Variants in TUBGCP3 observed in about 807,000 individuals in gnomAD.
TUBGCP3 encodes gamma-tubulin complex component 3.
Under a neutral mutation model 123.1 loss-of-function variants are expected in TUBGCP3, and 50 were observed. That is an observed-to-expected ratio of 0.41 (90% CI 0.32 to 0.51). The LOEUF (loss-of-function observed/expected upper bound fraction) is 0.51. TUBGCP3 is among the 20% of genes least tolerant of loss of function. The probability of loss-of-function intolerance (pLI) is 0.36; values close to 1 mark genes in which losing one functional copy is unlikely to be tolerated. For missense variants in TUBGCP3, 882 were observed against 1,127.0 expected (o/e 0.78, Z 3.11); for synonymous variants, 405 against 413.9 (o/e 0.98, Z 0.26).
chr13:112,582,651 A>C (rs962188588), intron 1 of TUBGCP3, among the ~76,000 whole-genome samples: 4 of 150,684 alleles, frequency 2.7e-5, no homozygotes, highest in African/African-American at 9.8e-5. Context: ...CAAGGTCCAG[A>C]TGTAGATCTC....
rs1877188184 is a variant in TUBGCP3 at position 112,527,006 on chromosome 13, A to G, written c.1491T>C (p.Cys497=). The G allele has an allele frequency of 7.4e-6, 12 of 1,614,202 alleles. No individual in the cohort carries two copies. Among genetic ancestry groups the G allele is most frequent in the Non-Finnish European group, 1.0e-5 (12 of 1,180,024 alleles). ...TCTTTGTAGTGGGAGTCTGATCATG[A>G]CAAACTTGGTGCAAGAAATTTATTG... is the stretch of plus-strand genomic sequence containing the variant. The part of the protein sequence containing the change: ...GKSINFLHQV[C]HDQTPTTKMI... Residue 497 remains cysteine (C), a synonymous_variant, in exon 13 of 22, where the codon TGT becomes TGC. Transcript: ENST00000261965.
chr13:112,543,149 C>CA (rs915917447), intron 11 of TUBGCP3, among the ~76,000 whole-genome samples: 7 of 150,342 alleles, frequency 4.7e-5, no homozygotes, highest in South Asian at 4.2e-4. Flanking sequence ...GACTCCATCT[C>CA]AAAAAAAAAG....
At chr13:112,601,048 C>T in the TUBGCP3 span, among the ~76,000 whole-genome samples, 3 of 152,070 alleles carry the variant, frequency 2.0e-5, no homozygotes, top group South Asian at 2.1e-4. Context: ...ATTAGTCAAA[C>T]GCAGTAGCGT....
At chr13:112,600,975 G>A in the TUBGCP3 span, among the ~76,000 whole-genome samples, 2 of 151,918 alleles carry the variant, frequency 1.3e-5, no homozygotes, top group African/African-American at 4.8e-5. Context: ...ATCACTTGAG[G>A]CCAGGGGTTC....
intron 1 of TUBGCP3, among the ~76,000 whole-genome samples, chr13:112,587,000 C>T (rs1315488936): frequency 6.6e-6 from 1 of 152,160 alleles, no homozygotes; most frequent in Non-Finnish European, 1.5e-5. Flanking sequence ...GGTCAAAATG[C>T]ATTCTCAGTA....
intron 1 of TUBGCP3, among the ~76,000 whole-genome samples, chr13:112,578,002 C>G (rs1046060954): frequency 5.9e-5 from 9 of 152,170 alleles, no homozygotes; most frequent in African/African-American, 1.7e-4. Context: ...TTGGGAGAAG[C>G]TGAGGCAGGG....
At chr13:112,512,219 G>A (rs150637499) in intron 17 of TUBGCP3, among the ~76,000 whole-genome samples, 185 of 152,152 alleles carry the variant, frequency 1.2e-3, no homozygotes, top group Middle Eastern at 6.8e-3. Context: ...CCAGGAGTTC[G>A]AGGCCAGTCT....
chr13:112,555,762 G>C (rs1879970763), intron 6 of TUBGCP3, among the ~76,000 whole-genome samples: 1 of 152,152 alleles, frequency 6.6e-6, no homozygotes, highest in African/African-American at 2.4e-5. Flanking sequence ...AAACAGACAG[G>C]GAGAATGTGA....
intron 17 of TUBGCP3, among the ~76,000 whole-genome samples, chr13:112,513,753 C>CACAGAACACAGAAACACAGGTAAA (rs1875835455): frequency 6.6e-6 from 1 of 152,178 alleles, no homozygotes; most frequent in South Asian, 2.1e-4. Flanking sequence ...AGAACACTGA[C>CACAGAACACAGAAACACAGGTAAA]ACCCCAACAG....
In TUBGCP3 at chr13:112,544,301, A is replaced by C. The variant is rs550923466; in HGVS notation, c.1335+1398T>G. On this transcript the variant is annotated intron_variant, in intron 11 of 21. Coordinates refer to ENST00000261965, the MANE Select transcript of TUBGCP3 (RefSeq NM_006322.6). The stretch of plus-strand genomic sequence containing the variant: ...ACCCCGTCTCTACTAAAAATACAAA[A>C]ATTAGCCAGGCATGGTGGCGGGCAC... Among the ~76,000 whole-genome samples, 3 of 152,072 alleles carry C rather than the reference A, an allele frequency of 2.0e-5. 1 individual carries two copies. Among genetic ancestry groups the C allele is most frequent in the African/African-American group, 7.2e-5 (3 of 41,494 alleles).
At chr13:112,520,790 T>C (rs1876553317) in intron 14 of TUBGCP3, among the ~76,000 whole-genome samples, 1 of 152,188 alleles carries the variant, frequency 6.6e-6, no homozygotes, top group Non-Finnish European at 1.5e-5. Flanking sequence ...TGATATCTGC[T>C]TTTATAAATA....
intron 2 of TUBGCP3, among the ~76,000 whole-genome samples, chr13:112,565,808 A>G (rs9635136): frequency 0.16 from 23,856 of 151,926 alleles, 2,103 homozygotes; most frequent in Non-Finnish European, 0.21. Context: ...GTTAGCGGGC[A>G]CCTGTAGTCC....
intron 11 of TUBGCP3, among the ~76,000 whole-genome samples, chr13:112,540,857 G>A (rs1878464648): frequency 6.6e-6 from 1 of 152,232 alleles, no homozygotes; most frequent in African/African-American, 2.4e-5. Flanking sequence ...AAGACCTGAG[G>A]TAAGTTCATT....
intron 1 of TUBGCP3, among the ~76,000 whole-genome samples, chr13:112,586,956 G>A (rs923221521): frequency 6.6e-6 from 1 of 152,160 alleles, no homozygotes; most frequent in Non-Finnish European, 1.5e-5. Context: ...AACATCCAAT[G>A]AATTATGTAC....
At chr13:112,579,804 C>A (rs1882155256) in intron 1 of TUBGCP3, among the ~76,000 whole-genome samples, 1 of 152,254 alleles carries the variant, frequency 6.6e-6, no homozygotes. Flanking sequence ...TGAGCATGCA[C>A]CTGCCCTGAG....
chr13:112,511,599 A>G lies in TUBGCP3; in HGVS notation c.2086+4841T>C. Among the ~76,000 whole-genome samples, 1 of 152,066 alleles carries G rather than the reference A, an allele frequency of 6.6e-6. No individual in the cohort carries two copies. ...GCCACAGGAGCCTGCAGCTCCACAG[A>G]CTTTAAGACACATTGAGAACATGAA... On this transcript the variant is annotated intron_variant, in intron 17 of 21. Transcript: ENST00000261965. This position sits in a 1 kb window ranked among gnomAD's most constrained non-coding sequence, Gnocchi z 4.1.
At chr13:112,544,266 A>G (rs1362153705) in intron 11 of TUBGCP3, among the ~76,000 whole-genome samples, 4 of 152,034 alleles carry the variant, frequency 2.6e-5, no homozygotes, top group Non-Finnish European at 4.4e-5. Context: ...ATCCTGGCTA[A>G]CACAGTGAAA....
chr13:112,547,977 A>G (rs1879209859), intron 9 of TUBGCP3, 131 bp downstream of exon 9: 1 of 907,484 alleles, frequency 1.1e-6, no homozygotes, highest in Non-Finnish European at 1.6e-6. Context: ...TTCAAACCTT[A>G]CAAATAATAT....
intron 9 of TUBGCP3, 44 bp from the exon 10 acceptor site, chr13:112,547,796 C>A: frequency 7.2e-7 from 1 of 1,393,938 alleles, no homozygotes; most frequent in Non-Finnish European, 9.4e-7. Flanking sequence ...CAAATAACCA[C>A]ATAGATCACA....
Sources: gnomAD v4.1 joint callset for allele counts (sites outside exome capture counted in the v4.1 genomes callset) on GRCh38, gnomAD v4.1.1 for gene constraint, Gnocchi (gnomAD v3.1) non-coding constraint, MANE v1.5 for transcripts, NCBI Gene and HGNC (gene_info 2026-07-23, HGNC 2026-07-21) for gene names.